Variants in ZCCHC7 observed in about 807,000 individuals in gnomAD.
ZCCHC7 encodes zinc finger CCHC domain-containing protein 7.
Under a neutral mutation model 52.0 loss-of-function variants are expected in ZCCHC7, and 35 were observed. The ratio of observed to expected loss-of-function variants is 0.67; its 90% CI spans 0.51 to 0.89. The LOEUF is 0.89. Among genes scored for constraint, ZCCHC7 ranks in the 40% least tolerant of loss-of-function variants. The pLI is 0.00. For missense variants in ZCCHC7, 574 were observed against 649.1 expected, an observed-to-expected ratio of 0.88 and a Z score of 1.26; for synonymous variants, 217 against 221.5, an observed-to-expected ratio of 0.98 and a Z score of 0.18.
intron 2 of ZCCHC7, among the ~76,000 whole-genome samples, chr9:37,244,331 C>G (rs772033780): frequency 1.3e-5 from 2 of 151,166 alleles, no homozygotes; most frequent in Non-Finnish European, 3.0e-5. Context: ...TTTAGAGCAA[C>G]TTGGATTTCC....
At chr9:37,232,746 A>C (rs1825465700) in intron 2 of ZCCHC7, among the ~76,000 whole-genome samples, 1 of 152,220 alleles carries the variant, frequency 6.6e-6, no homozygotes, top group Non-Finnish European at 1.5e-5. Flanking sequence ...CTTTTTCATC[A>C]CATACACATA....
At position 37,137,192 on chromosome 9, in the gene ZCCHC7, A is replaced by C. The variant is rs183302328; in HGVS notation, c.610+10250A>C. Among the ~76,000 whole-genome samples, 939 of 152,364 alleles carry C rather than the reference A, an allele frequency of 6.2e-3. 4 individuals are homozygous for C. The highest frequency in any genetic ancestry group is 9.7e-3 in the Non-Finnish European group (659 of 68,026). ...AAAGTTCACTGTAAAACCAGAGTTAAATGCATTTCTACAAATATATGAGAT... is the reference window on the plus strand; with the variant it reads ...AAAGTTCACTGTAAAACCAGAGTTACATGCATTTCTACAAATATATGAGAT... On this transcript the variant is annotated intron_variant, in intron 2 of 8. Coordinates refer to ENST00000336755, the MANE Select transcript of ZCCHC7 (RefSeq NM_032226.3).
intron 2 of ZCCHC7, among the ~76,000 whole-genome samples, chr9:37,247,181 T>C (rs959338653): frequency 2.0e-5 from 3 of 152,320 alleles, no homozygotes; most frequent in South Asian, 2.1e-4. Context: ...AAATGTACTT[T>C]GTGGATTTTT....
chr9:37,225,977 G>T (rs909391166), intron 2 of ZCCHC7, among the ~76,000 whole-genome samples: 1 of 152,186 alleles, frequency 6.6e-6, no homozygotes, highest in African/African-American at 2.4e-5. Flanking sequence ...GAAGCTGAAG[G>T]CAGACGAAAT....
At chr9:37,336,713 T>C (rs564225518) in intron 6 of ZCCHC7, among the ~76,000 whole-genome samples, 4 of 151,038 alleles carry the variant, frequency 2.6e-5, no homozygotes, top group Non-Finnish European at 5.9e-5. Flanking sequence ...GGAAGATGTA[T>C]ATTAGTGTGA....
At chr9:37,221,093 GTGTAGCC>G (rs1162896271) in intron 2 of ZCCHC7, among the ~76,000 whole-genome samples, 2 of 152,206 alleles carry the variant, frequency 1.3e-5, no homozygotes, top group African/African-American at 4.8e-5. Context: ...GGTTCCACCA[GTGTAGCC>G]ACAGAGGCAC....
intron 2 of ZCCHC7, among the ~76,000 whole-genome samples, chr9:37,219,681 A>G (rs539352527): frequency 1.3e-5 from 2 of 152,380 alleles, no homozygotes; most frequent in African/African-American, 4.8e-5. Flanking sequence ...GGTAAAATTA[A>G]TGCATCTGAA....
intron 2 of ZCCHC7, among the ~76,000 whole-genome samples, chr9:37,155,682 T>G (rs559671569): frequency 1.8e-4 from 28 of 152,356 alleles, no homozygotes; most frequent in Admixed American, 1.6e-3. Flanking sequence ...AGTTTCTTGT[T>G]CTCAGATAAT....
chr9:37,320,535 C>T (rs1290653903), intron 5 of ZCCHC7, among the ~76,000 whole-genome samples: 1 of 152,160 alleles, frequency 6.6e-6, no homozygotes, highest in Admixed American at 6.5e-5. Flanking sequence ...GGAGAGTTGA[C>T]TCCACTGTAT....
intron 2 of ZCCHC7, among the ~76,000 whole-genome samples, chr9:37,269,618 CAAAAAAAA>C (rs1170865355): frequency 0.11 from 2,941 of 26,894 alleles, 54 homozygotes; most frequent in African/African-American, 0.25. Context: ...GACTCTGTCT[CAAAAAAAA>C]AAAAAAAAAA....
chr9:37,248,006 G>A (rs1826154740), intron 2 of ZCCHC7, among the ~76,000 whole-genome samples: 1 of 151,774 alleles, frequency 6.6e-6, no homozygotes, highest in Non-Finnish European at 1.5e-5. Flanking sequence ...TCACAAACCT[G>A]AAGAGTATTG....
chr9:37,340,162 T>C (rs2118467859), intron 6 of ZCCHC7, among the ~76,000 whole-genome samples: 1 of 152,288 alleles, frequency 6.6e-6, no homozygotes, highest in East Asian at 1.9e-4. Context: ...AAATCATTTG[T>C]AATCGTTGCA....
chr9:37,134,634 A>T (rs1842925362), intron 2 of ZCCHC7, among the ~76,000 whole-genome samples: 1 of 152,146 alleles, frequency 6.6e-6, no homozygotes, highest in African/African-American at 2.4e-5. Context: ...TCCCCTTATG[A>T]GTAATCATTA....
intron 6 of ZCCHC7, among the ~76,000 whole-genome samples, chr9:37,335,077 A>G (rs1270741134): frequency 1.3e-5 from 2 of 152,046 alleles, no homozygotes; most frequent in Non-Finnish European, 2.9e-5. Flanking sequence ...TAATACATCC[A>G]TTTTACATAG....
At chr9:37,318,942 C>CAA (rs34576609) in intron 5 of ZCCHC7, among the ~76,000 whole-genome samples, 4 of 106,994 alleles carry the variant, frequency 3.7e-5, no homozygotes, top group African/African-American at 1.1e-4. Context: ...GACTCTGTCT[C>CAA]AAAAAAAAAA....
At chr9:37,215,095 G>A (rs1335966928) in intron 2 of ZCCHC7, among the ~76,000 whole-genome samples, 2 of 151,980 alleles carry the variant, frequency 1.3e-5, no homozygotes, top group African/African-American at 4.8e-5. Context: ...GATGAACAGA[G>A]GGAAAAATCT....
chr9:37,189,700 T>A (rs1036372140), intron 2 of ZCCHC7, among the ~76,000 whole-genome samples: 3 of 152,142 alleles, frequency 2.0e-5, no homozygotes, highest in African/African-American at 7.2e-5. Context: ...TTTTTTTTTT[T>A]AATAGGCAAT....
intron 2 of ZCCHC7, among the ~76,000 whole-genome samples, chr9:37,129,092 A>G (rs1842660431): frequency 6.6e-6 from 1 of 152,212 alleles, no homozygotes; most frequent in Admixed American, 6.5e-5. Context: ...CATACTGAAA[A>G]GAAAGCTTGA....
At chr9:37,327,674 C>A in intron 5 of ZCCHC7, 125 bp from the exon 6 acceptor site, 1 of 952,650 alleles carries the variant, frequency 1.0e-6, no homozygotes, top group Non-Finnish European at 1.6e-6. Flanking sequence ...GAAATGCAGA[C>A]CCTTTCTGTT....
Sources: allele counts gnomAD v4.1 joint callset (sites outside exome capture counted in the v4.1 genomes callset), GRCh38; gene constraint gnomAD v4.1.1; transcripts MANE v1.5; gene names NCBI Gene and HGNC (gene_info 2026-07-23, HGNC 2026-07-21).